The following MTUS1 variants were observed in gnomAD, a reference collection of about 807,000 sequenced individuals.
The protein encoded by MTUS1 is microtubule associated scaffold protein 1, also known as microtubule-associated tumor suppressor 1.
MTUS1 carries 109 observed loss-of-function variants against 120.8 expected under a neutral mutation model. That is an observed-to-expected ratio of 0.90 (90% CI 0.77 to 1.06). MTUS1 has a LOEUF of 1.06. Among genes scored for constraint, MTUS1 ranks in the 50% least tolerant of loss-of-function variants. The pLI is 0.00. For missense variants in MTUS1, 2,210 were observed against 1,486.3 expected (o/e 1.49, Z -8.01); for synonymous variants, 737 against 550.5 (o/e 1.34, Z -4.74).
chr8:17,720,142 C>T (rs548597519), intron 4 of MTUS1, among the ~76,000 whole-genome samples: 4 of 152,164 alleles, frequency 2.6e-5, no homozygotes, highest in African/African-American at 4.8e-5. Flanking sequence ...GTTAGGAGTT[C>T]GAGACCATCC....
chr8:17,782,854 GATC>G (rs2050979860), intron 1 of MTUS1, among the ~76,000 whole-genome samples: 1 of 152,212 alleles, frequency 6.6e-6, no homozygotes, highest in African/African-American at 2.4e-5. Context: ...GAGGTGGGTG[GATC>G]ACCTGAAGTC....
intron 1 of MTUS1, among the ~76,000 whole-genome samples, chr8:17,789,771 A>G (rs1423764425): frequency 6.6e-6 from 1 of 152,220 alleles, no homozygotes; most frequent in East Asian, 1.9e-4. Context: ...GCAGCAGCCC[A>G]ACGATAGCCA....
chr8:17,691,662 T>A (rs773859638), intron 6 of MTUS1, among the ~76,000 whole-genome samples: 1 of 152,146 alleles, frequency 6.6e-6, no homozygotes, highest in Non-Finnish European at 1.5e-5. Flanking sequence ...ATTCTACAAA[T>A]CCCTGAATTT....
intron 1 of MTUS1, among the ~76,000 whole-genome samples, chr8:17,772,803 G>A (rs186362603): frequency 6.6e-6 from 1 of 152,178 alleles, no homozygotes; most frequent in Admixed American, 6.5e-5. Context: ...ACAATCACCT[G>A]TAATTCAGCA....
At chr8:17,750,907 C>G (rs1011274031) in intron 2 of MTUS1, among the ~76,000 whole-genome samples, 1 of 152,206 alleles carries the variant, frequency 6.6e-6, no homozygotes, top group African/African-American at 2.4e-5. Flanking sequence ...CAAATAAGAA[C>G]TTTTCTAAAG....
intron 1 of MTUS1, among the ~76,000 whole-genome samples, chr8:17,791,369 T>C (rs1056835353): frequency 6.6e-6 from 1 of 152,240 alleles, no homozygotes; most frequent in South Asian, 2.1e-4. Flanking sequence ...TGTATATTAA[T>C]AGTAACATTT....
intron 2 of MTUS1, among the ~76,000 whole-genome samples, chr8:17,746,021 C>T (rs1427778982): frequency 6.6e-6 from 1 of 152,208 alleles, no homozygotes; most frequent in Non-Finnish European, 1.5e-5. Context: ...CTCCTCCAGT[C>T]ATACAAGACA....
intron 1 of MTUS1, among the ~76,000 whole-genome samples, chr8:17,774,396 G>A (rs2050251144): frequency 6.6e-6 from 1 of 152,160 alleles, no homozygotes; most frequent in Non-Finnish European, 1.5e-5. Context: ...AATCAGAAGA[G>A]GATAAGGACT....
intron 3 of MTUS1, among the ~76,000 whole-genome samples, chr8:17,734,924 C>A (rs555382819): frequency 6.8e-6 from 1 of 147,874 alleles, no homozygotes; most frequent in East Asian, 2.0e-4. Flanking sequence ...TTTTTTTTTT[C>A]TTTTCTTTTC....
intron 1 of MTUS1, among the ~76,000 whole-genome samples, chr8:17,782,950 C>G (rs962374404): frequency 6.6e-6 from 1 of 152,024 alleles, no homozygotes; most frequent in Non-Finnish European, 1.5e-5. Flanking sequence ...TGGTAGTGGG[C>G]GCCTGTAATC....
At chr8:17,692,315 A>G (rs1585731075) in intron 6 of MTUS1, 1 of 151,950 alleles carries the variant, frequency 6.6e-6, no homozygotes, top group African/African-American at 2.4e-5. Context: ...ACCTGGCACC[A>G]CCCCTTCCTC....
intron 1 of MTUS1, among the ~76,000 whole-genome samples, chr8:17,794,155 CTG>C (rs1469469495): frequency 1.3e-5 from 2 of 152,108 alleles, no homozygotes; most frequent in East Asian, 3.9e-4. Flanking sequence ...TGGTGAAACC[CTG>C]TCTCTACTAA....
chr8:17,718,946 G>C (rs1049074764), intron 4 of MTUS1, among the ~76,000 whole-genome samples: 6 of 151,886 alleles, frequency 4.0e-5, no homozygotes, highest in African/African-American at 1.5e-4. Flanking sequence ...AAGGTGGGCA[G>C]ATCACTTGAG....
chr8:17,775,177 G>C (rs570582877), intron 1 of MTUS1, among the ~76,000 whole-genome samples: 1 of 152,064 alleles, frequency 6.6e-6, no homozygotes, highest in African/African-American at 2.4e-5. Flanking sequence ...ACTGGTGATA[G>C]TTACACAACT....
At chr8:17,782,692 T>C (rs2050965685) in intron 1 of MTUS1, among the ~76,000 whole-genome samples, 1 of 152,214 alleles carries the variant, frequency 6.6e-6, no homozygotes, top group South Asian at 2.1e-4. Flanking sequence ...TTGGATTTTG[T>C]AAAGAATTGT....
At chr8:17,710,559 C>A (rs959861172) in intron 6 of MTUS1, among the ~76,000 whole-genome samples, 1 of 152,232 alleles carries the variant, frequency 6.6e-6, no homozygotes, top group Non-Finnish European at 1.5e-5. Context: ...GTGACTTCCT[C>A]CACTGAAGCA....
chr8:17,720,290 A>G (rs1189353328), intron 4 of MTUS1, among the ~76,000 whole-genome samples: 7 of 151,900 alleles, frequency 4.6e-5, no homozygotes, highest in African/African-American at 1.7e-4. Flanking sequence ...GGTTGCAGTG[A>G]GCTGAGATCA....
intron 3 of MTUS1, among the ~76,000 whole-genome samples, chr8:17,742,311 T>TTTTTTTTTTTA (rs1554516969): frequency 2.1e-5 from 3 of 139,628 alleles, no homozygotes; most frequent in East Asian, 2.4e-4. Context: ...TTTTTTTTTT[T>TTTTTTTTTTTA]AGAGATAGTG....
intron 1 of MTUS1, among the ~76,000 whole-genome samples, chr8:17,777,965 A>G (rs369494900): frequency 3.3e-5 from 5 of 152,328 alleles, no homozygotes; most frequent in South Asian, 4.1e-4. Flanking sequence ...GTGTTTTATG[A>G]TTCCTGCTAT....
Sources: gnomAD v4.1 joint callset for allele counts (sites outside exome capture counted in the v4.1 genomes callset) on GRCh38, gnomAD v4.1.1 for gene constraint, MANE v1.5 for transcripts, NCBI Gene and HGNC (gene_info 2026-07-23, HGNC 2026-07-21) for gene names.